The following ZNF638 variants were observed in gnomAD, a reference collection of about 807,000 sequenced individuals.
ZNF638 encodes the protein zinc finger protein 638, also known as CTCL tumor antigen se33-1.
A neutral mutation model predicts 195.6 loss-of-function variants in ZNF638; 46 were observed. The ratio of observed to expected loss-of-function variants is 0.24; its 90% CI spans 0.19 to 0.30. The LOEUF (loss-of-function observed/expected upper bound fraction) is 0.30. Among genes scored for constraint, ZNF638 ranks in the 10% least tolerant of loss-of-function variants. The pLI is 1.00. For missense variants in ZNF638, 2,440 were observed against 2,325.3 expected, an observed-to-expected ratio of 1.05 and a Z score of -1.01; for synonymous variants, 845 against 772.0, an observed-to-expected ratio of 1.09 and a Z score of -1.57.
intron 21 of ZNF638, among the ~76,000 whole-genome samples, chr2:71,421,936 A>G (rs1030784206): frequency 3.3e-5 from 5 of 152,190 alleles, no homozygotes; most frequent in South Asian, 2.1e-4. Context: ...TACTGGAATT[A>G]TAGGACTACT....
At chr2:71,336,480 A>G (rs1047062175) in intron 1 of ZNF638, among the ~76,000 whole-genome samples, 3 of 152,188 alleles carry the variant, frequency 2.0e-5, no homozygotes, top group Non-Finnish European at 4.4e-5. Context: ...GATGTAAGCA[A>G]TTAACTCCTA....
intron 26 of ZNF638, among the ~76,000 whole-genome samples, chr2:71,432,163 C>A (rs868651654): frequency 6.6e-6 from 1 of 152,174 alleles, no homozygotes; most frequent in African/African-American, 2.4e-5. Context: ...TACCTCTTCT[C>A]TCTCTTTTAT....
chr2:71,364,571 G>A (rs960766847), intron 5 of ZNF638, among the ~76,000 whole-genome samples: 1 of 152,076 alleles, frequency 6.6e-6, no homozygotes, highest in African/African-American at 2.4e-5. Context: ...ACTTAATGTT[G>A]ATTTTATGAC....
intron 8 of ZNF638, 50 bp from the exon 9 acceptor site, chr2:71,380,172 A>G (rs762684994): frequency 8.8e-7 from 1 of 1,134,022 alleles, no homozygotes; most frequent in East Asian, 2.7e-5. Context: ...TATATTTTCT[A>G]AATTGCTTTA....
chr2:71,372,023 T>G (rs75474484), intron 8 of ZNF638, among the ~76,000 whole-genome samples: 8,839 of 152,190 alleles, frequency 0.058, 978 homozygotes, highest in East Asian at 0.56. Context: ...TGTTTTCTTG[T>G]AGTAGTTTCA....
chr2:71,403,773 A>C, intron 16 of ZNF638, 97 bp from the exon 17 acceptor site: 1 of 849,642 alleles, frequency 1.2e-6, no homozygotes, highest in Non-Finnish European at 1.8e-6. Context: ...TGTTCAATCC[A>C]CTTGACGTTT....
At chr2:71,429,552 A>G (rs542704143) in intron 25 of ZNF638, among the ~76,000 whole-genome samples, 17 of 152,302 alleles carry the variant, frequency 1.1e-4, no homozygotes, top group African/African-American at 3.1e-4. Context: ...AATTTGGCCA[A>G]GTTTTTCCCA....
chr2:71,386,138 A>T (rs1045751625), intron 10 of ZNF638, among the ~76,000 whole-genome samples: 9 of 152,122 alleles, frequency 5.9e-5, no homozygotes, highest in Admixed American at 2.0e-4. Context: ...CCCAGTCTGT[A>T]TCAGAAATTA....
At chr2:71,372,362 A>G (rs1431783624) in intron 8 of ZNF638, among the ~76,000 whole-genome samples, 1 of 152,176 alleles carries the variant, frequency 6.6e-6, no homozygotes, top group Admixed American at 6.5e-5. Context: ...GTCTGGTCCA[A>G]AGGCTCCTTC....
intron 2 of ZNF638, among the ~76,000 whole-genome samples, chr2:71,352,473 A>T (rs1031329138): frequency 1.6e-5 from 2 of 128,966 alleles, no homozygotes; most frequent in South Asian, 5.3e-4. Flanking sequence ...GCGAGACTCC[A>T]TCTCAAAAAA....
In ZNF638 at chr2:71,365,686, G is replaced by C. The variant is rs745826218; in HGVS notation, c.1975G>C (p.Ala659Pro). ...LSECKQVSDK[A>P]VSLQRKLRKE... ...AGAATGTAAACAGGTGTCTGATAAA[G>C]CTGTTTCTCTCCAGCGAAAGGTAAT... is the stretch of plus-strand genomic sequence containing the variant. The change falls in exon 6 of 28, where the codon GCT becomes CCT. Residue 659 changes from alanine to proline, a missense_variant. By Grantham distance (27) the Ala-to-Pro change is conservative (BLOSUM62 -1). Around this residue, in one of 5 missense-constraint regions of ZNF638, gnomAD observed 1,883 missense variants for 1,739.1 expected, o/e 1.08. Coordinates refer to ENST00000264447, the MANE Select transcript of ZNF638 (RefSeq NM_014497.5). 19 of 1,611,174 alleles carry C rather than the reference G, an allele frequency of 1.2e-5. No homozygotes were observed. Among genetic ancestry groups the C allele is most frequent in the Non-Finnish European group, 1.5e-5 (18 of 1,179,036 alleles).
chr2:71,383,139 A>T (rs1351565390), intron 10 of ZNF638, among the ~76,000 whole-genome samples: 2 of 152,142 alleles, frequency 1.3e-5, no homozygotes, highest in Admixed American at 1.3e-4. Flanking sequence ...CCTGGCCAAC[A>T]TGGTGAAACC....
At chr2:71,335,980 G>C (rs1160060371) in intron 1 of ZNF638, among the ~76,000 whole-genome samples, 1 of 152,084 alleles carries the variant, frequency 6.6e-6, no homozygotes, top group Non-Finnish European at 1.5e-5. Context: ...TTTTCTTAGA[G>C]TTTACTTGAA....
chr2:71,369,770 C>T (rs2079275849), intron 7 of ZNF638, 113 bp from the exon 8 acceptor site: 1 of 1,049,976 alleles, frequency 9.5e-7, no homozygotes, highest in Non-Finnish European at 1.3e-6. Context: ...GCAACCATGA[C>T]TTGAGGTAGT....
intron 25 of ZNF638, among the ~76,000 whole-genome samples, chr2:71,429,760 G>A (rs1211109928): frequency 6.6e-6 from 1 of 152,152 alleles, no homozygotes; most frequent in Non-Finnish European, 1.5e-5. Context: ...GTTGTCAAAC[G>A]TGATTTTTTA....
At chr2:71,397,215 T>C (rs1422142779) in intron 11 of ZNF638, among the ~76,000 whole-genome samples, 1 of 152,182 alleles carries the variant, frequency 6.6e-6, no homozygotes, top group East Asian at 1.9e-4. Context: ...GCCACCCCTT[T>C]ACTTGCTGGA....
Position 71,423,410 on chromosome 2 carries a change from A to G in ZNF638, c.3896A>G (p.Asn1299Ser). ...TGDEKTVDKK[N>S]ISEKKGNMDE... Reference sequence around the variant, plus strand: ...GATGAGAAGACAGTGGACAAAAAGAATATTTCTGAAAAAAAAGGTAACATG... The same window carrying G: ...GATGAGAAGACAGTGGACAAAAAGAGTATTTCTGAAAAAAAAGGTAACATG... Residue 1299 changes from asparagine to serine, a missense_variant, in exon 22 of 28, where the codon AAT becomes AGT. Transcript: ENST00000264447. The G allele has an allele frequency of 1.2e-6, 2 of 1,613,916 alleles. No homozygotes were observed. The highest frequency in any genetic ancestry group is 1.7e-6 in the Non-Finnish European group (2 of 1,179,968).
At position 71,348,990 on chromosome 2, in the gene ZNF638, T is replaced by C. The variant is rs768868859; in HGVS notation, c.36T>C (p.Phe12=). Reference sequence around the variant, plus strand: ...CCAGGTTTAATCCTCGAGGAGACTTTCCACTTCAAAGGCCACGAGCACCTA... The same window carrying C: ...CCAGGTTTAATCCTCGAGGAGACTTCCCACTTCAAAGGCCACGAGCACCTA... ...SRPRFNPRGD[F]PLQRPRAPNP... The change falls in exon 2 of 28, where the codon TTT becomes TTC. Residue 12 remains phenylalanine, a synonymous_variant. Coordinates refer to ENST00000264447, the MANE Select transcript of ZNF638 (RefSeq NM_014497.5). The C allele has an allele frequency of 5.0e-6, 8 of 1,614,056 alleles. No homozygotes were observed. In the African/African-American group the frequency reaches 1.1e-4, roughly 22 times the overall value.
rs762593935 is a variant in ZNF638, at chr2:71,423,631, C to T, written c.4117C>T (p.Pro1373Ser). The T allele has an allele frequency of 1.2e-6, 2 of 1,613,748 alleles. No homozygotes were observed. The highest frequency in any genetic ancestry group is 1.1e-5 in the South Asian group (1 of 91,076). The change falls in exon 22 of 28, where the codon CCT (proline) becomes TCT (serine). Residue 1373 changes from proline to serine, a missense_variant. By Grantham distance (74) the Pro-to-Ser change is moderately conservative. This residue lies in a region of ZNF638 where 1,883 missense variants were observed against 1,739.1 expected (regional missense o/e 1.08). Coordinates refer to ENST00000264447, the MANE Select transcript of ZNF638 (RefSeq NM_014497.5). ...TAAAGGAGTGGGTCAGGCTAATAAG[C>T]CTGATGAAACTAGTAAAACTAGTAT... ...PNKGVGQANK[P>S]DETSKTSILA...
Sources: allele counts gnomAD v4.1 joint callset (sites outside exome capture counted in the v4.1 genomes callset), GRCh38; gene constraint gnomAD v4.1.1; regional missense constraint gnomAD v4.1.1; transcripts MANE v1.5; gene names NCBI Gene and HGNC (gene_info 2026-07-23, HGNC 2026-07-21).